Variants in HIVEP2 observed in about 807,000 individuals in gnomAD.
HIVEP2 encodes transcription factor HIVEP2.
Under a neutral mutation model 180.7 loss-of-function variants are expected in HIVEP2, and 14 were observed. That is an observed-to-expected ratio of 0.08 (90% CI 0.05 to 0.12). The LOEUF is 0.12. HIVEP2 is among the 10% of genes least tolerant of loss of function. HIVEP2 has a pLI of 1.00. For missense variants in HIVEP2, 2,579 were observed against 3,008.5 expected (o/e 0.86, Z 3.34); for synonymous variants, 1,184 against 1,136.4 (o/e 1.04, Z -0.84).
intron 2 of HIVEP2, among the ~76,000 whole-genome samples, chr6:142,820,168 A>G (rs1041392801): frequency 2.0e-5 from 3 of 152,220 alleles, no homozygotes; most frequent in Non-Finnish European, 4.4e-5. Context: ...CCACTGGCCA[A>G]GCTTGAAACT....
At chr6:142,879,796 G>C (rs1017907469) in intron 1 of HIVEP2, among the ~76,000 whole-genome samples, 1 of 151,936 alleles carries the variant, frequency 6.6e-6, no homozygotes, top group Non-Finnish European at 1.5e-5. Flanking sequence ...ACCCTCCCAT[G>C]CCCGTCTCCA....
intron 1 of HIVEP2, among the ~76,000 whole-genome samples, chr6:142,909,166 T>TAATA (rs1777340583): frequency 6.6e-6 from 1 of 152,144 alleles, no homozygotes; most frequent in Non-Finnish European, 1.5e-5. Context: ...ATACCTATTT[T>TAATA]AATAAATATA....
At chr6:142,785,165 A>G (rs1409380392) in intron 2 of HIVEP2, among the ~76,000 whole-genome samples, 2 of 152,086 alleles carry the variant, frequency 1.3e-5, no homozygotes, top group African/African-American at 4.8e-5. Context: ...CCGGGATTAC[A>G]GGCGTGAGCC....
chr6:142,777,647 T>A (rs1306748931), intron 3 of HIVEP2, among the ~76,000 whole-genome samples: 3 of 8,472 alleles, frequency 3.5e-4, no homozygotes, highest in Admixed American at 5.2e-3. Context: ...AAACTCCATC[T>A]CAAAAAAAAA....
chr6:142,789,141 G>C (rs1405752788), intron 2 of HIVEP2, among the ~76,000 whole-genome samples: 3 of 152,176 alleles, frequency 2.0e-5, no homozygotes, highest in African/African-American at 7.2e-5. Context: ...AGACCACAGA[G>C]AAAATCATTT....
chr6:142,942,944 T>C (rs1291625367), intron 1 of HIVEP2, among the ~76,000 whole-genome samples: 1 of 152,230 alleles, frequency 6.6e-6, no homozygotes, highest in Non-Finnish European at 1.5e-5. Context: ...ATCATTGTAA[T>C]ACATTTCTGT....
At chr6:142,884,926 A>ATAAG in intron 1 of HIVEP2, among the ~76,000 whole-genome samples, 1 of 152,288 alleles carries the variant, frequency 6.6e-6, no homozygotes, top group African/African-American at 2.4e-5. Flanking sequence ...AAGCATGCTG[A>ATAAG]TAAGAGGTGC....
At position 142,771,954 on chromosome 6, in the gene HIVEP2, G is replaced by T; in HGVS notation, c.2785C>A (p.Gln929Lys). ...GGTGGCAACTTCTCCGCGGGGAGCT[G>T]GGAAAGGGTCTCACTTCTCTGGGGC... ...QWPQRSETLS[Q>K]LPAEKLPPKK... Residue 929 changes from glutamine (Q) to lysine (K), a missense_variant, in exon 5 of 10, where the codon CAG becomes AAG. This residue lies in a region of HIVEP2 where 51 missense variants were observed against 102.8 expected (regional missense o/e 0.50). Transcript: ENST00000367603. The surrounding 1 kb of genome is among the most constrained non-coding windows in gnomAD (Gnocchi z 5.4). 6.2e-7 allele frequency: 1 copy of T among 1,614,174 alleles called. No individual in the cohort carries two copies. The highest frequency in any genetic ancestry group is 1.3e-5 in the African/African-American group (1 of 75,048).
At chr6:142,901,020 A>G (rs1777121261) in intron 1 of HIVEP2, among the ~76,000 whole-genome samples, 1 of 152,092 alleles carries the variant, frequency 6.6e-6, no homozygotes, top group African/African-American at 2.4e-5. Flanking sequence ...TATTAACTCC[A>G]CTTTTATTTC....
In HIVEP2 at chr6:142,754,128, G is replaced by C. The variant is rs56277887; in HGVS notation, c.6517-197C>G. On this transcript the variant is annotated intron_variant, in intron 9 of 9. Coordinates refer to ENST00000367603, the MANE Select transcript of HIVEP2 (RefSeq NM_006734.4). ...TTCTCTTTTATAATCCTTGAATAAA[G>C]GTGTCGGCCTGTGAAAAGTTGCTTT... Among the ~76,000 whole-genome samples, 558 of 152,248 alleles carry C rather than the reference G, an allele frequency of 3.7e-3. 4 individuals are homozygous for C. Among genetic ancestry groups the C allele is most frequent in the African/African-American group, 0.012 (513 of 41,544 alleles).
Position 142,831,116 on chromosome 6 carries a change from G to A in HIVEP2, c.-528+5819C>T, listed in dbSNP as rs116637349. Reference sequence around the variant, plus strand: ...TCCAGGGACAATTCTCAGAGGCAGTGAACCGTGGAAGGGTCGAGGGTCCTA... The same window carrying A: ...TCCAGGGACAATTCTCAGAGGCAGTAAACCGTGGAAGGGTCGAGGGTCCTA... On this transcript the variant is annotated intron_variant, in intron 2 of 9. Coordinates refer to ENST00000367603, the MANE Select transcript of HIVEP2 (RefSeq NM_006734.4). Among the ~76,000 whole-genome samples the A allele has an allele frequency of 3.1e-3, 467 of 152,330 alleles. 1 individual carries two copies. Among genetic ancestry groups the A allele is most frequent in the African/African-American group, 0.011 (442 of 41,576 alleles).
At chr6:142,761,267 G>A (rs1775229299) in intron 8 of HIVEP2, among the ~76,000 whole-genome samples, 197 bp downstream of exon 8, 1 of 151,960 alleles carries the variant, frequency 6.6e-6, no homozygotes, top group South Asian at 2.1e-4. Flanking sequence ...TTTGCCCTCG[G>A]AGTCAAAACT....
intron 1 of HIVEP2, among the ~76,000 whole-genome samples, chr6:142,915,440 AT>A (rs939178870): frequency 2.0e-5 from 3 of 152,058 alleles, no homozygotes; most frequent in Non-Finnish European, 4.4e-5. Flanking sequence ...CACAGAACAG[AT>A]TTCCCCTCAC....
At chr6:142,856,210 A>G (rs1775815758) in intron 1 of HIVEP2, among the ~76,000 whole-genome samples, 1 of 152,144 alleles carries the variant, frequency 6.6e-6, no homozygotes, top group Admixed American at 6.5e-5. Context: ...GGGTTAAAAA[A>G]AAAAAGAAAA....
In HIVEP2 at chr6:142,771,788, T is replaced by C; in HGVS notation, c.2951A>G (p.Glu984Gly). The C allele has an allele frequency of 6.2e-7, 1 of 1,614,200 alleles. No homozygotes were observed. The highest frequency in any genetic ancestry group is 8.5e-7 in the Non-Finnish European group (1 of 1,180,030). ...AGAAAGCTTACTGGTTTCTTCTCTT[T>C]CAAAAGACATGGAGAAACTGGAGCT... is the stretch of plus-strand genomic sequence containing the variant. ...SHSSSFSMSF[E>G]REETSKLSAL... The change falls in exon 5 of 10, where the codon GAA (glutamate) becomes GGA (glycine). Residue 984 changes from glutamate to glycine, a missense_variant. By Grantham distance (98) the Glu-to-Gly change is moderately conservative. Coordinates refer to ENST00000367603, the MANE Select transcript of HIVEP2 (RefSeq NM_006734.4). This position sits in a 1 kb window ranked among gnomAD's most constrained non-coding sequence, Gnocchi z 5.4.
At chr6:142,798,391 T>C (rs1369771002) in intron 2 of HIVEP2, among the ~76,000 whole-genome samples, 1 of 152,162 alleles carries the variant, frequency 6.6e-6, no homozygotes, top group Admixed American at 6.6e-5. Context: ...GAATCAATAA[T>C]GTTTCCATTT....
In HIVEP2 at chr6:142,760,538, T is replaced by C. The variant is rs1216017969; in HGVS notation, c.5750A>G (p.Asp1917Gly). Residue 1917 changes from aspartate to glycine, a missense_variant, in exon 9 of 10, where the codon GAT becomes GGT. Physicochemically the swap from Asp to Gly is moderately conservative, Grantham distance 94. This residue lies in a region of HIVEP2 where 660 missense variants were observed against 731.7 expected (regional missense o/e 0.90). Transcript: ENST00000367603. ...DGDDNDDDDE[D>G]EDDFDDQGDL... ...TCCCTGGTCGTCAAAGTCATCTTCA[T>C]CTTCATCATCATCATCATTATCATC... 6.2e-7 allele frequency: 1 copy of C among 1,614,054 alleles called. No individual in the cohort carries two copies. The highest frequency in any genetic ancestry group is 8.5e-7 in the Non-Finnish European group (1 of 1,179,930).
intron 1 of HIVEP2, among the ~76,000 whole-genome samples, chr6:142,904,313 G>A (rs866734269): frequency 5.9e-5 from 9 of 151,996 alleles, no homozygotes; most frequent in Admixed American, 1.3e-4. Context: ...AATCATTTCC[G>A]GAAAAATTAG....
chr6:142,773,175 T>C lies in HIVEP2; in HGVS notation c.1564A>G (p.Asn522Asp), dbSNP rs1387907794. 2 of 1,614,180 alleles carry C rather than the reference T, an allele frequency of 1.2e-6. No individual in the cohort carries two copies. Among genetic ancestry groups the C allele is most frequent in the Non-Finnish European group, 1.7e-6 (2 of 1,180,020 alleles). ...IRNEGKLYPA[N>D]FQGSNPVLLE... ...AGAACCGGGTTGCTGCCTTGGAAGT[T>C]TGCTGGATAAAGTTTTCCTTCGTTC... Residue 522 changes from asparagine (N) to aspartate (D), a missense_variant, in exon 5 of 10, where the codon AAC becomes GAC. By Grantham distance (23) the Asn-to-Asp change is conservative. Around this residue, in one of 11 missense-constraint regions of HIVEP2, gnomAD observed 524 missense variants for 563.6 expected, o/e 0.93. Coordinates refer to ENST00000367603, the MANE Select transcript of HIVEP2 (RefSeq NM_006734.4).
Sources: allele counts gnomAD v4.1 joint callset (sites outside exome capture counted in the v4.1 genomes callset), GRCh38; gene constraint gnomAD v4.1.1; regional missense constraint gnomAD v4.1.1; non-coding constraint Gnocchi (gnomAD v3.1); transcripts MANE v1.5; gene names NCBI Gene and HGNC (gene_info 2026-07-23, HGNC 2026-07-21).